Variants in NRG1 observed in about 807,000 individuals in gnomAD.
The protein encoded by NRG1 is neuregulin 1, also known as pro-neuregulin-1, membrane-bound isoform.
Under a neutral mutation model 63.8 loss-of-function variants are expected in NRG1, and 18 were observed. That is an observed-to-expected ratio of 0.28 (90% confidence interval 0.19 to 0.42). The LOEUF is 0.42. Among genes scored for constraint, NRG1 ranks in the 10% least tolerant of loss-of-function variants. The pLI, the probability that NRG1 is intolerant of heterozygous loss-of-function variation, is 1.00. For synonymous variants in NRG1, 302 were observed against 301.3 expected (o/e 1.00, Z -0.02); for missense variants, 762 against 814.7 (o/e 0.94, Z 0.79).
chr8:31,654,534 T>C (rs1405794245), intron 1 of NRG1, among the ~76,000 whole-genome samples: 1 of 152,256 alleles, frequency 6.6e-6, no homozygotes, highest in Non-Finnish European at 1.5e-5. Flanking sequence ...TTCGGCTTTG[T>C]AAGGATCTTG....
At chr8:32,671,124 T>C (rs1011882785) in intron 5 of NRG1, among the ~76,000 whole-genome samples, 1 of 151,090 alleles carries the variant, frequency 6.6e-6, no homozygotes, top group African/African-American at 2.4e-5. Flanking sequence ...GGTTTGTTCT[T>C]ATGCTTTTTT....
At position 32,623,467 on chromosome 8, in the gene NRG1, A is replaced by C. The variant is rs201168862; in HGVS notation, c.502+6582A>C. On this transcript the variant is annotated intron_variant, in intron 5 of 11. Coordinates refer to ENST00000356819, the Ensembl canonical transcript of NRG1. ...CAAATTGTGTTTTCAGATTTCTATAAACATGGCATTTTTCATGGGTTGGTG... is the reference window on the plus strand; with the variant it reads ...CAAATTGTGTTTTCAGATTTCTATACACATGGCATTTTTCATGGGTTGGTG... Among the ~76,000 whole-genome samples the C allele has an allele frequency of 1.1e-4, 17 of 152,342 alleles. No homozygotes were observed. The East Asian group carries it at 2.5e-3, about 22-fold the overall frequency.
chr8:32,088,711 G>C (rs1828653203), intron 1 of NRG1, among the ~76,000 whole-genome samples: 1 of 151,956 alleles, frequency 6.6e-6, no homozygotes, highest in Non-Finnish European at 1.5e-5. Flanking sequence ...GTAGAGATGG[G>C]GTTTCACCAC....
At chr8:32,329,072 G>A (rs763231556) in intron 1 of NRG1, among the ~76,000 whole-genome samples, 9 of 152,152 alleles carry the variant, frequency 5.9e-5, no homozygotes, top group Non-Finnish European at 1.2e-4. Flanking sequence ...CAGCTCAAGC[G>A]ATCCTCCCAC....
intron 1 of NRG1, among the ~76,000 whole-genome samples, chr8:32,585,171 GA>G (rs1841376175): frequency 6.6e-6 from 1 of 151,900 alleles, no homozygotes; most frequent in African/African-American, 2.4e-5. Flanking sequence ...TAACATTTTG[GA>G]AGTGAATATG....
chr8:31,801,170 T>C (rs7825505), intron 1 of NRG1, among the ~76,000 whole-genome samples: 32,938 of 152,050 alleles, frequency 0.22, 3,947 homozygotes, highest in Non-Finnish European at 0.25. Flanking sequence ...ATCTCAATTC[T>C]TATTCAATTG....
chr8:32,419,740 A>G (rs1157380376), intron 1 of NRG1, among the ~76,000 whole-genome samples: 5 of 152,208 alleles, frequency 3.3e-5, no homozygotes, highest in Non-Finnish European at 7.3e-5. Context: ...ATAATATTGC[A>G]TGCAAGGTAA....
chr8:31,824,464 T>A (rs955199438), intron 1 of NRG1, among the ~76,000 whole-genome samples: 2 of 152,168 alleles, frequency 1.3e-5, no homozygotes, highest in Middle Eastern at 3.2e-3. Context: ...TGACCATTTC[T>A]AAATCCTTTC....
At chr8:31,838,772 C>A (rs1010053422) in intron 1 of NRG1, among the ~76,000 whole-genome samples, 10 of 151,996 alleles carry the variant, frequency 6.6e-5, no homozygotes, top group African/African-American at 2.4e-4. Context: ...AATTTTTTCA[C>A]TTTAGAAAAA....
intron 1 of NRG1, among the ~76,000 whole-genome samples, chr8:31,761,123 TA>T (rs1817503756): frequency 6.6e-6 from 1 of 152,128 alleles, no homozygotes; most frequent in African/African-American, 2.4e-5. Flanking sequence ...TATGCAGCCA[TA>T]AAAAATGATG....
At chr8:32,123,078 C>A (rs1270267256) in intron 1 of NRG1, among the ~76,000 whole-genome samples, 1 of 151,866 alleles carries the variant, frequency 6.6e-6, no homozygotes, top group African/African-American at 2.4e-5. Context: ...TATTGAAGTC[C>A]CCATGAGAAT....
At chr8:32,361,048 A>G (rs1051913217) in intron 1 of NRG1, among the ~76,000 whole-genome samples, 1 of 152,200 alleles carries the variant, frequency 6.6e-6, no homozygotes, top group African/African-American at 2.4e-5. Context: ...CCGAACTTCA[A>G]TCCCCTTATT....
intron 10 of NRG1, 25 bp downstream of exon 10, chr8:32,759,461 G>A: frequency 6.2e-7 from 1 of 1,606,312 alleles, no homozygotes; most frequent in South Asian, 1.1e-5. Flanking sequence ...AAATTCCACG[G>A]CTTTTCTCTC....
chr8:32,366,654 T>G (rs2347071), intron 1 of NRG1, among the ~76,000 whole-genome samples: 1 of 109,162 alleles, frequency 9.2e-6, no homozygotes, highest in Non-Finnish European at 2.0e-5. Context: ...TAATATATAT[T>G]GTGTGTGTGT....
chr8:32,635,082 C>G lies in NRG1; in HGVS notation c.502+18197C>G, dbSNP rs184405700. On this transcript the variant is annotated intron_variant, in intron 5 of 11. Transcript: ENST00000356819. ...CACAGTCAGGCTTCTCTTCCATTTT[C>G]TAAGGTGACTCGGACCTTACCACTC... Among the ~76,000 whole-genome samples the G allele has an allele frequency of 3.3e-5, 5 of 152,306 alleles. No homozygotes were observed. The East Asian group carries it at 9.6e-4, about 29-fold the overall frequency.
At chr8:32,124,017 G>A (rs1353580014) in intron 1 of NRG1, among the ~76,000 whole-genome samples, 1 of 151,922 alleles carries the variant, frequency 6.6e-6, no homozygotes, top group African/African-American at 2.4e-5. Context: ...TATTTATGAA[G>A]AGAAGTTGTA....
At chr8:32,227,614 A>T (rs373174582) in intron 1 of NRG1, among the ~76,000 whole-genome samples, 61 of 152,260 alleles carry the variant, frequency 4.0e-4, no homozygotes, top group African/African-American at 1.4e-3. Context: ...TCTTTTCCTG[A>T]GGCTTGAGAA....
chr8:32,172,552 G>A (rs562320965), intron 1 of NRG1, among the ~76,000 whole-genome samples: 1 of 152,220 alleles, frequency 6.6e-6, no homozygotes, highest in Admixed American at 6.5e-5. Flanking sequence ...TGAGCTAAAG[G>A]AGGAAGTTTG....
intron 5 of NRG1, among the ~76,000 whole-genome samples, chr8:32,685,898 G>T (rs1351845355): frequency 6.6e-6 from 1 of 152,192 alleles, no homozygotes; most frequent in Non-Finnish European, 1.5e-5. Context: ...CACACTACAT[G>T]AGAATTTGAC....
Sources: allele counts gnomAD v4.1 joint callset (sites outside exome capture counted in the v4.1 genomes callset), GRCh38; gene constraint gnomAD v4.1.1; transcripts MANE v1.5; gene names NCBI Gene and HGNC (gene_info 2026-07-23, HGNC 2026-07-21).